KIRREL3: variants seen among roughly 807,000 people sequenced by gnomAD.
KIRREL3 encodes kirre like nephrin family adhesion molecule 3.
KIRREL3 carries 36 observed loss-of-function variants against 89.7 expected under a neutral mutation model. The observed-to-expected ratio is 0.40, with a 90% CI of 0.31 to 0.53. The LOEUF (loss-of-function observed/expected upper bound fraction) is 0.53, where lower values mean the gene tolerates loss of function less well. Ranked by LOEUF, KIRREL3 falls within the 20% of genes least tolerant of loss-of-function variation. The pLI, the probability that KIRREL3 is intolerant of heterozygous loss-of-function variation, is 0.49. For missense variants in KIRREL3, 864 were observed against 1,056.6 expected (o/e 0.82, Z 2.53); for synonymous variants, 445 against 441.4 (o/e 1.01, Z -0.10).
intron 1 of KIRREL3, among the ~76,000 whole-genome samples, chr11:126,774,182 TTA>T (rs1491464073): frequency 8.9e-5 from 11 of 123,986 alleles, no homozygotes; most frequent in East Asian, 2.1e-4. Context: ...TTTTTTTTTT[TTA>T]AATAAATGAA....
In KIRREL3 at chr11:126,965,173, G is replaced by A. The variant is rs572088433; in HGVS notation, c.55+35282C>T. Among the ~76,000 whole-genome samples, 2 of 152,262 alleles carry A rather than the reference G, an allele frequency of 1.3e-5. No homozygotes were observed. The highest frequency in any genetic ancestry group is 4.1e-4 in the South Asian group (2 of 4,822). ...TTAGGAGCTCTGGGGATGAGCAAAG[G>A]TCTACAGAACAGTGTCTTAATTAAC... On this transcript the variant is annotated intron_variant, in intron 1 of 16. Coordinates refer to ENST00000525144, the MANE Select transcript of KIRREL3 (RefSeq NM_032531.4). This position sits in a 1 kb window ranked among gnomAD's most constrained non-coding sequence, Gnocchi z 4.4.
rs1486402011 is a variant in KIRREL3 at position 126,551,493 on chromosome 11, T to C, written c.133+11342A>G. Among the ~76,000 whole-genome samples, 3 of 152,218 alleles carry C rather than the reference T, an allele frequency of 2.0e-5. No individual in the cohort carries two copies. The East Asian group carries it at 5.8e-4, about 29-fold the overall frequency. ...TCCCCCCACCCCATGCGCCTCTATA[T>C]AGAAACATGTCTAGATACATCATCA... On this transcript the variant is annotated intron_variant, in intron 2 of 16. Transcript: ENST00000525144. This position sits in a 1 kb window ranked among gnomAD's most constrained non-coding sequence, Gnocchi z 4.9.
rs1463139685 is a variant in KIRREL3, at chr11:126,444,972, G to A, written c.1252+7C>T. The A allele has an allele frequency of 3.7e-6, 6 of 1,613,562 alleles. No homozygotes were observed. The highest frequency in any genetic ancestry group is 2.2e-5 in the East Asian group (1 of 44,882). ...TCAGGCCTGGCTCACCCCAGCGAGG[G>A]TCTTACCATTGACGGTCAGGGTCAC... is the stretch of plus-strand genomic sequence containing the variant. On this transcript the variant is annotated splice_region_variant and intron_variant, in intron 10 of 16. Coordinates refer to ENST00000525144, the MANE Select transcript of KIRREL3 (RefSeq NM_032531.4).
At chr11:126,786,966 G>A (rs1950505891) in intron 1 of KIRREL3, among the ~76,000 whole-genome samples, 1 of 152,170 alleles carries the variant, frequency 6.6e-6, no homozygotes, top group Non-Finnish European at 1.5e-5. Context: ...TGCAAGCAGG[G>A]GTTGGAAGGG....
intron 10 of KIRREL3, among the ~76,000 whole-genome samples, chr11:126,442,280 AAAAC>A (rs1167063208): frequency 8.8e-5 from 10 of 113,202 alleles, no homozygotes; most frequent in Admixed American, 2.2e-4. Flanking sequence ...AAACAAAAAA[AAAAC>A]AAAAAACCCA....
Position 126,530,076 on chromosome 11 carries a change from C to G in KIRREL3, c.134-3389G>C, listed in dbSNP as rs1958896192. On this transcript the variant is annotated intron_variant, in intron 2 of 16. Transcript: ENST00000525144. The surrounding 1 kb of genome is among the most constrained non-coding windows in gnomAD (Gnocchi z 5.8). Reference sequence around the variant, plus strand: ...GTAAGTTATTGCCAGAAGAATGCTCCTCACCCACCCACTCTTTCTTTTCTT... The same window carrying G: ...GTAAGTTATTGCCAGAAGAATGCTCGTCACCCACCCACTCTTTCTTTTCTT... Among the ~76,000 whole-genome samples the G allele has an allele frequency of 6.6e-6, 1 of 151,960 alleles. No individual in the cohort carries two copies. The highest frequency in any genetic ancestry group is 1.5e-5 in the Non-Finnish European group (1 of 68,000).
intron 2 of KIRREL3, among the ~76,000 whole-genome samples, chr11:126,552,780 C>G (rs1320427446): frequency 2.0e-5 from 3 of 151,868 alleles, no homozygotes; most frequent in African/African-American, 7.3e-5. Flanking sequence ...CCAGGCTGGT[C>G]TCAAACTCCT....
In KIRREL3 at chr11:126,896,595, C is replaced by T. The variant is rs150677615; in HGVS notation, c.55+103860G>A. Among the ~76,000 whole-genome samples the T allele has an allele frequency of 7.9e-5, 12 of 152,096 alleles. No homozygotes were observed. The highest frequency in any genetic ancestry group is 1.9e-4 in the East Asian group (1 of 5,140). ...ATATCCTAGAAAGCTGTGTAGAGAA[C>T]GTGGGGCCTGTCCATGGGCTTCAGT... On this transcript the variant is annotated intron_variant, in intron 1 of 16. Coordinates refer to ENST00000525144, the MANE Select transcript of KIRREL3 (RefSeq NM_032531.4). The surrounding 1 kb of genome is among the most constrained non-coding windows in gnomAD (Gnocchi z 4.1).
In KIRREL3 at chr11:126,471,541, T is replaced by A. The variant is rs1956892380; in HGVS notation, c.591+1768A>T. On this transcript the variant is annotated intron_variant, in intron 5 of 16. Transcript: ENST00000525144. This position sits in a 1 kb window ranked among gnomAD's most constrained non-coding sequence, Gnocchi z 5.4. ...GGCACAGCCTCTGTTGTGGCTTGCT[T>A]TCATAGGAAGGAATGGTGAGGTAGG... is the stretch of plus-strand genomic sequence containing the variant. Among the ~76,000 whole-genome samples, 1 of 151,912 alleles carries A rather than the reference T, an allele frequency of 6.6e-6. No homozygotes were observed. Among genetic ancestry groups the A allele is most frequent in the Admixed American group, 6.6e-5 (1 of 15,260 alleles).
rs1033138552 is a variant in KIRREL3, at chr11:126,652,311, A to G, written c.56-89399T>C. ...TTGGGGTCTCTGTGGGTTGATGGAT[A>G]TAAACCATCTTCTTTACTTAGGGCA... On this transcript the variant is annotated intron_variant, in intron 1 of 16. Coordinates refer to ENST00000525144, the MANE Select transcript of KIRREL3 (RefSeq NM_032531.4). This position sits in a 1 kb window ranked among gnomAD's most constrained non-coding sequence, Gnocchi z 4.9. Among the ~76,000 whole-genome samples the G allele has an allele frequency of 2.0e-5, 3 of 152,154 alleles. No individual in the cohort carries two copies. The highest frequency in any genetic ancestry group is 7.2e-5 in the African/African-American group (3 of 41,438).
In KIRREL3 at chr11:126,734,812, G is replaced by A. The variant is rs1003826339; in HGVS notation, c.56-171900C>T. 4.6e-5 allele frequency among the ~76,000 whole-genome samples: 7 copies of A among 152,318 alleles called. No homozygotes were observed. Among genetic ancestry groups the A allele is most frequent in the African/African-American group, 7.2e-5 (3 of 41,580 alleles). On this transcript the variant is annotated intron_variant, in intron 1 of 16. Transcript: ENST00000525144. This position sits in a 1 kb window ranked among gnomAD's most constrained non-coding sequence, Gnocchi z 5.9. ...TGATGAGCAGGTCAGAGAAGTTTTC[G>A]TTGGAGGGGTACTTTCTGAACGATT...
At chr11:126,743,495 G>A (rs1017366764) in intron 1 of KIRREL3, among the ~76,000 whole-genome samples, 1 of 152,158 alleles carries the variant, frequency 6.6e-6, no homozygotes, top group Non-Finnish European at 1.5e-5. Context: ...TTAGGTACTG[G>A]GAATATAATT....
intron 1 of KIRREL3, among the ~76,000 whole-genome samples, chr11:126,838,999 T>A (rs1013964809): frequency 1.3e-5 from 2 of 152,084 alleles, no homozygotes; most frequent in Non-Finnish European, 1.5e-5. Context: ...GAAGAAGAGG[T>A]ACTGCATGGG....
rs746710012 is a variant in KIRREL3, at chr11:126,431,543, G to A, written c.1589-17C>T. ...GCACAGACTCTGTGGGAGAGAAGCG[G>A]GCACAGCTGATGACGGATGGGGAAT... On this transcript the variant is annotated splice_polypyrimidine_tract_variant and intron_variant, in intron 13 of 16. Coordinates refer to ENST00000525144, the MANE Select transcript of KIRREL3 (RefSeq NM_032531.4). This position sits in a 1 kb window ranked among gnomAD's most constrained non-coding sequence, Gnocchi z 7.1. The A allele has an allele frequency of 6.2e-7, 1 of 1,609,462 alleles. No homozygotes were observed. Among genetic ancestry groups the A allele is most frequent in the Non-Finnish European group, 8.5e-7 (1 of 1,176,548 alleles).
intron 1 of KIRREL3, among the ~76,000 whole-genome samples, chr11:126,625,635 C>A (rs1034195201): frequency 1.3e-5 from 2 of 152,136 alleles, no homozygotes; most frequent in African/African-American, 2.4e-5. Flanking sequence ...AGTGTGATGT[C>A]CTGCCCCTCC....
chr11:126,725,108 C>T (rs1429947679), intron 1 of KIRREL3, among the ~76,000 whole-genome samples: 1 of 152,080 alleles, frequency 6.6e-6, no homozygotes, highest in East Asian at 1.9e-4. Flanking sequence ...GAGAGGTGGC[C>T]AGGAGAAGGC....
At chr11:126,482,273 A>T (rs1360604793) in intron 4 of KIRREL3, among the ~76,000 whole-genome samples, 1 of 152,178 alleles carries the variant, frequency 6.6e-6, no homozygotes, top group Non-Finnish European at 1.5e-5. Flanking sequence ...TCCTGACCTC[A>T]GGTGATCCAC....
rs1180701499 is a variant in KIRREL3, at chr11:126,498,839, G to C, written c.433+22476C>G. Reference sequence around the variant, plus strand: ...AAATGCCAGTTCTTCACAGGCTCAGGACCTCGACGCACGGAAACTTCTGGA... The same window carrying C: ...AAATGCCAGTTCTTCACAGGCTCAGCACCTCGACGCACGGAAACTTCTGGA... On this transcript the variant is annotated intron_variant, in intron 4 of 16. Transcript: ENST00000525144. This position sits in a 1 kb window ranked among gnomAD's most constrained non-coding sequence, Gnocchi z 4.3. Among the ~76,000 whole-genome samples the C allele has an allele frequency of 1.3e-5, 2 of 152,292 alleles. No homozygotes were observed. The highest frequency in any genetic ancestry group is 3.9e-4 in the East Asian group (2 of 5,172).
intron 1 of KIRREL3, among the ~76,000 whole-genome samples, chr11:126,915,188 T>A (rs2134936282): frequency 6.6e-6 from 1 of 152,360 alleles, no homozygotes; most frequent in Admixed American, 6.5e-5. Context: ...AAGCACCATG[T>A]GGATATCAAG....
Sources: gnomAD v4.1 joint callset for allele counts (sites outside exome capture counted in the v4.1 genomes callset) on GRCh38, gnomAD v4.1.1 for gene constraint, Gnocchi (gnomAD v3.1) non-coding constraint, MANE v1.5 for transcripts, NCBI Gene and HGNC (gene_info 2026-07-23, HGNC 2026-07-21) for gene names.